IFT46: variants seen among roughly 807,000 people sequenced by gnomAD.
IFT46 encodes intraflagellar transport 46, also known as intraflagellar transport protein 46 homolog.
IFT46 carries 19 observed loss-of-function variants against 39.6 expected under a neutral mutation model. The ratio of observed to expected loss-of-function variants is 0.48; its 90% CI spans 0.33 to 0.70. IFT46 has a LOEUF of 0.70. Among genes scored for constraint, IFT46 ranks in the 30% least tolerant of loss-of-function variants. The pLI, the probability that IFT46 is intolerant of heterozygous loss-of-function variation, is 0.01. For synonymous variants in IFT46, 117 were observed against 134.8 expected, an observed-to-expected ratio of 0.87 and a Z score of 0.91; for missense variants, 334 against 364.8, an observed-to-expected ratio of 0.92 and a Z score of 0.69.
At position 118,544,859 on chromosome 11, in the gene IFT46, A is replaced by G. The variant is rs557806358; in HGVS notation, c.*57T>C. 400 of 1,245,050 alleles carry G rather than the reference A, an allele frequency of 3.2e-4. No individual in the cohort carries two copies. Among genetic ancestry groups the G allele is most frequent in the Non-Finnish European group, 4.5e-4 (379 of 849,714 alleles). The allele number at this position is 1,245,050 out of a possible 1,614,324, so 77.1% of individuals were successfully genotyped here. On this transcript the variant is annotated 3_prime_UTR_variant, in exon 12 of 12. Transcript: ENST00000264021. ...TCAAGTAGCTGACAACGATCTGTCC[A>G]TCTCAGCTGGGGCAGAGGGGCCAGC...
intron 2 of IFT46, among the ~76,000 whole-genome samples, chr11:118,564,094 A>G (rs938002954): frequency 7.3e-5 from 11 of 149,792 alleles, no homozygotes; most frequent in African/African-American, 2.7e-4. Flanking sequence ...GAGGCTGAGG[A>G]AGGAGAATCA....
chr11:118,564,166 G>C (rs1938150918), intron 2 of IFT46, among the ~76,000 whole-genome samples: 1 of 127,286 alleles, frequency 7.9e-6, no homozygotes, highest in Non-Finnish European at 1.6e-5. Context: ...TCCAGCCTGT[G>C]TGATAGAGTG....
At position 118,555,318 on chromosome 11, in the gene IFT46, A is replaced by G. The variant is rs1319568983; in HGVS notation, c.190T>C (p.Tyr64His). The G allele has an allele frequency of 1.2e-6, 2 of 1,613,712 alleles. No homozygotes were observed. The highest frequency in any genetic ancestry group is 2.2e-5 in the East Asian group (1 of 44,878). Reference sequence around the variant, plus strand: ...AAATGCTCATAGTCTGCAGGGTCATAGGCCCTGGGAAAAGGAAAACAGTTT... The same window carrying G: ...AAATGCTCATAGTCTGCAGGGTCATGGGCCCTGGGAAAAGGAAAACAGTTT... ...EEHGAPLEGA[Y>H]DPADYEHLPV... The change falls in exon 5 of 12, where the codon TAT becomes CAT. Residue 64 changes from tyrosine to histidine, a missense_variant. Transcript: ENST00000264021.
chr11:118,564,869 A>C (rs2135513175), intron 2 of IFT46, 96 bp downstream of exon 2: 1 of 152,654 alleles, frequency 6.6e-6, no homozygotes, highest in East Asian at 1.9e-4. Context: ...TTGACGCTGA[A>C]AGTCAACATT....
At chr11:118,567,266 A>C (rs1938247595), upstream of IFT46, among the ~76,000 whole-genome samples, 1 of 151,850 alleles carries the variant, frequency 6.6e-6, no homozygotes, top group African/African-American at 2.4e-5. Context: ...TCAAATATAA[A>C]TAATGAATAA....
intron 3 of IFT46, 64 bp downstream of exon 3, chr11:118,559,721 G>A (rs1321264565): frequency 1.6e-6 from 2 of 1,251,430 alleles, no homozygotes; most frequent in East Asian, 2.3e-5. Flanking sequence ...TTGAACTGGT[G>A]TCATCTCTAA....
exon 1 of IFT46, chr11:118,572,778 A>C: frequency 2.1e-6 from 1 of 482,028 alleles, no homozygotes; most frequent in Non-Finnish European, 3.7e-6. Flanking sequence ...ACCACCCCCC[A>C]ACCAGCTGGA....
At chr11:118,576,896 G>C (rs1591380698), upstream of IFT46, among the ~76,000 whole-genome samples, 1 of 152,298 alleles carries the variant, frequency 6.6e-6, no homozygotes, top group East Asian at 1.9e-4. Flanking sequence ...TGAAAGCCTG[G>C]AATTCTGGCC....
upstream of IFT46, among the ~76,000 whole-genome samples, chr11:118,576,446 A>AC (rs1394103721): frequency 6.8e-6 from 1 of 147,324 alleles, no homozygotes; most frequent in Non-Finnish European, 1.5e-5. Flanking sequence ...AAAAAAAAAA[A>AC]AAACCAAAAA....
At chr11:118,565,566 C>T (rs1015147523) in intron 1 of IFT46, 2 of 151,794 alleles carry the variant, frequency 1.3e-5, no homozygotes, top group Non-Finnish European at 2.9e-5. Context: ...CAGTCCCATC[C>T]GATAATCCCA....
intron 9 of IFT46, among the ~76,000 whole-genome samples, chr11:118,547,616 C>G (rs977147559): frequency 1.3e-5 from 2 of 151,518 alleles, no homozygotes; most frequent in Non-Finnish European, 2.9e-5. Context: ...AGACAGGGGT[C>G]TCACCATGTT....
intron 9 of IFT46, among the ~76,000 whole-genome samples, chr11:118,549,324 G>A (rs1445363085): frequency 6.6e-6 from 1 of 151,358 alleles, no homozygotes. Flanking sequence ...TTACAGGTAT[G>A]AGCTACCGTG....
At chr11:118,570,493 C>A (rs1000375857), upstream of IFT46, among the ~76,000 whole-genome samples, 8 of 152,130 alleles carry the variant, frequency 5.3e-5, no homozygotes, top group Admixed American at 3.3e-4. Flanking sequence ...GTGTAAAGTA[C>A]CTGACACAAA....
chr11:118,573,702 C>G (rs1555072895), upstream of IFT46: 2 of 700,950 alleles, frequency 2.9e-6, no homozygotes, highest in Non-Finnish European at 2.6e-6. Context: ...GTTCTATTGA[C>G]AACCCTTTAG....
In IFT46 at chr11:118,554,938, G is replaced by A. The variant is rs1937776255; in HGVS notation, c.354+52C>T. 4.0e-6 allele frequency: 5 copies of A among 1,251,436 alleles called. No individual in the cohort carries two copies. In the Admixed American group the frequency reaches 8.4e-5, roughly 21 times the overall value. The allele number at this position is 1,251,436 out of a possible 1,614,324, so 77.5% of individuals were successfully genotyped here. A position where few individuals can be genotyped will look rare whatever the true frequency, so the allele number is the denominator to read the frequency against. On this transcript the variant is annotated intron_variant, in intron 6 of 11. Coordinates refer to ENST00000264021, the MANE Select transcript of IFT46 (RefSeq NM_001168618.2). ...TTAGGGAAACTGTTAAGAGTAACAG[G>A]GGCATCAGAAGAAACACTTAAGGAG...
chr11:118,553,377 G>A (rs1937717207), intron 7 of IFT46, among the ~76,000 whole-genome samples: 2 of 151,380 alleles, frequency 1.3e-5, no homozygotes, highest in Admixed American at 1.3e-4. Context: ...GGAGGTGGAG[G>A]TTGTGGTGAG....
rs200467196 is a variant in IFT46 at position 118,556,982 on chromosome 11, C to A, written c.109G>T (p.Asp37Tyr). ...GTTTCAGATGAATCATCATCATCAT[C>A]ATCGTCATCCTCATTTTCACTAAAG... ...RGFSENEDDDDDDDDSSETDS... is the reference protein window; with the variant it reads ...RGFSENEDDDYDDDDSSETDS... The change falls in exon 4 of 12, where the codon GAT becomes TAT. Residue 37 changes from aspartate (D) to tyrosine (Y), a missense_variant. Transcript: ENST00000264021. 6.2e-7 allele frequency: 1 copy of A among 1,613,166 alleles called. No homozygotes were observed. The highest frequency in any genetic ancestry group is 2.2e-5 in the East Asian group (1 of 44,858).
Position 118,544,748 on chromosome 11 carries a change from T to C in IFT46, c.*168A>G, listed in dbSNP as rs889258303. 1 of 592,838 alleles carries C rather than the reference T, an allele frequency of 1.7e-6. No individual in the cohort carries two copies. The highest frequency in any genetic ancestry group is 1.9e-5 in the African/African-American group (1 of 53,452). The allele number at this position is 592,838 out of a possible 1,614,324, so 36.7% of individuals were successfully genotyped here. On this transcript the variant is annotated 3_prime_UTR_variant, in exon 12 of 12. Transcript: ENST00000264021. ...AGCAATCTGAGGCAGGCAGGTTCAT[T>C]AAACAAACATGTTCTGTGCCCTCTG...
In IFT46 at chr11:118,557,043, C is replaced by T; in HGVS notation, c.48G>A (p.Glu16=). The T allele has an allele frequency of 6.3e-7, 1 of 1,599,164 alleles. No individual in the cohort carries two copies. The highest frequency in any genetic ancestry group is 8.5e-7 in the Non-Finnish European group (1 of 1,173,402). ...SDECEEENNK[E]KKKTSQLTPQ... is the part of the protein sequence containing the mutation. Reference sequence around the variant, plus strand: ...GTGTCAACTGTGAGGTCTTCTTCTTCTCCTGTGATAGGGCAGGGCAGGCAT... The same window carrying T: ...GTGTCAACTGTGAGGTCTTCTTCTTTTCCTGTGATAGGGCAGGGCAGGCAT... The change falls in exon 4 of 12, where the codon GAG becomes GAA. Residue 16 remains glutamate (E), a splice_region_variant and synonymous_variant. Transcript: ENST00000264021.
Sources: allele counts gnomAD v4.1 joint callset (sites outside exome capture counted in the v4.1 genomes callset), GRCh38; gene constraint gnomAD v4.1.1; transcripts MANE v1.5; gene names NCBI Gene and HGNC (gene_info 2026-07-23, HGNC 2026-07-21).